Variants in ROBO1 observed in about 807,000 individuals in gnomAD.
ROBO1 encodes roundabout homolog 1.
In ROBO1, 149 loss-of-function variants were observed where a neutral mutation model predicts 195.9. That is an observed-to-expected ratio of 0.76 (90% CI 0.67 to 0.87). ROBO1 has a LOEUF of 0.87. Among genes scored for constraint, ROBO1 ranks in the 40% least tolerant of loss-of-function variants. The pLI, the probability that ROBO1 is intolerant of heterozygous loss-of-function variation, is 0.00. For missense variants in ROBO1, 1,933 were observed against 2,068.3 expected (o/e 0.93, Z 1.27); for synonymous variants, 816 against 733.2 (o/e 1.11, Z -1.82).
chr3:78,903,087 C>CAGA (rs1331708722), intron 4 of ROBO1, among the ~76,000 whole-genome samples: 1 of 152,080 alleles, frequency 6.6e-6, no homozygotes, highest in Non-Finnish European at 1.5e-5. Context: ...ATAGGGCAAA[C>CAGA]AGAAACACAA....
intron 3 of ROBO1, among the ~76,000 whole-genome samples, chr3:79,078,331 T>C (rs1157942279): frequency 6.6e-6 from 1 of 151,818 alleles, no homozygotes; most frequent in Non-Finnish European, 1.5e-5. Context: ...ATAGGCCTGT[T>C]CAATATATGT....
At chr3:79,032,719 A>T (rs986859553) in intron 3 of ROBO1, among the ~76,000 whole-genome samples, 7 of 152,082 alleles carry the variant, frequency 4.6e-5, no homozygotes, top group African/African-American at 1.7e-4. Flanking sequence ...CACTATAGTC[A>T]TAATAAATTA....
chr3:79,726,274 T>TA (rs1360298724), intron 1 of ROBO1, among the ~76,000 whole-genome samples: 4 of 152,154 alleles, frequency 2.6e-5, no homozygotes, highest in Non-Finnish European at 5.9e-5. Flanking sequence ...AATCCCCTGG[T>TA]TCATCTACAG....
At chr3:79,356,631 C>A (rs2035565414) in intron 2 of ROBO1, among the ~76,000 whole-genome samples, 1 of 152,150 alleles carries the variant, frequency 6.6e-6, no homozygotes, top group South Asian at 2.1e-4. Flanking sequence ...AGACAAGACT[C>A]ATAAGGTAAC....
chr3:79,404,387 C>T (rs2106804563), intron 2 of ROBO1, among the ~76,000 whole-genome samples: 1 of 152,160 alleles, frequency 6.6e-6, no homozygotes, highest in African/African-American at 2.4e-5. Flanking sequence ...TATATATTAA[C>T]ACAACTATAT....
chr3:79,412,502 T>C (rs761305515), intron 2 of ROBO1, among the ~76,000 whole-genome samples: 2 of 152,146 alleles, frequency 1.3e-5, no homozygotes, highest in Non-Finnish European at 2.9e-5. Context: ...TCACTTCATT[T>C]CAAACAGAGG....
intron 4 of ROBO1, among the ~76,000 whole-genome samples, chr3:78,775,966 C>A (rs996346745): frequency 6.6e-6 from 1 of 152,180 alleles, no homozygotes; most frequent in Non-Finnish European, 1.5e-5. Flanking sequence ...CTTACATAAG[C>A]TTTCCATGTA....
intron 3 of ROBO1, among the ~76,000 whole-genome samples, chr3:79,057,593 C>G (rs1042080697): frequency 1.3e-5 from 2 of 152,006 alleles, no homozygotes; most frequent in Admixed American, 6.6e-5. Flanking sequence ...TCCTTACAAA[C>G]CTAAAAATTT....
intron 2 of ROBO1, among the ~76,000 whole-genome samples, chr3:79,298,977 G>C (rs552970931): frequency 6.6e-6 from 1 of 152,152 alleles, no homozygotes; most frequent in African/African-American, 2.4e-5. Flanking sequence ...CATAGGATAT[G>C]AACAGTTCCT....
chr3:79,397,652 A>G (rs1262132305), intron 2 of ROBO1, among the ~76,000 whole-genome samples: 1 of 152,174 alleles, frequency 6.6e-6, no homozygotes, highest in Non-Finnish European at 1.5e-5. Flanking sequence ...AACCTATGCA[A>G]CCGATAAGCC....
chr3:79,450,898 A>C (rs938769536), intron 2 of ROBO1, among the ~76,000 whole-genome samples: 6 of 151,888 alleles, frequency 4.0e-5, no homozygotes, highest in South Asian at 4.2e-4. Context: ...TTCTGATTTT[A>C]TTTCAGACAC....
chr3:79,012,173 G>A (rs2077797011), intron 3 of ROBO1, among the ~76,000 whole-genome samples: 2 of 152,160 alleles, frequency 1.3e-5, no homozygotes, highest in African/African-American at 4.8e-5. Context: ...CTACTTAACT[G>A]AAAGACTAAC....
At chr3:79,187,733 C>A (rs2081466710) in intron 2 of ROBO1, among the ~76,000 whole-genome samples, 1 of 151,946 alleles carries the variant, frequency 6.6e-6, no homozygotes, top group Non-Finnish European at 1.5e-5. Flanking sequence ...GTTTCAGGCA[C>A]AGCTATAGTC....
chr3:79,533,234 A>G (rs1465801015), intron 2 of ROBO1: 12 of 167,192 alleles, frequency 7.2e-5, no homozygotes. Flanking sequence ...CCTGGTGAAT[A>G]CCTAAAATAT....
At chr3:78,717,107 G>T (rs902964488) in intron 7 of ROBO1, among the ~76,000 whole-genome samples, 168 bp downstream of exon 7, 1 of 152,150 alleles carries the variant, frequency 6.6e-6, no homozygotes. Flanking sequence ...AAGCCTCAGA[G>T]AAAGCAGGAT....
intron 2 of ROBO1, among the ~76,000 whole-genome samples, chr3:79,209,272 C>G (rs1330639077): frequency 6.6e-6 from 1 of 152,128 alleles, no homozygotes; most frequent in East Asian, 1.9e-4. Context: ...GTTACTTCAA[C>G]TAGAATAATG....
At chr3:79,541,641 T>C (rs971765118) in intron 2 of ROBO1, among the ~76,000 whole-genome samples, 1 of 152,030 alleles carries the variant, frequency 6.6e-6, no homozygotes, top group Non-Finnish European at 1.5e-5. Context: ...CAACTTTCTG[T>C]GGCCCTACCC....
In ROBO1 at chr3:79,355,987, T is replaced by C. The variant is rs368156381; in HGVS notation, c.89-230448A>G. Reference sequence around the variant, plus strand: ...ATTTATAACTTTTTGAGAAAAGTAGTTCATTTTTACGCTTAAAAACTCAAA... The same window carrying C: ...ATTTATAACTTTTTGAGAAAAGTAGCTCATTTTTACGCTTAAAAACTCAAA... On this transcript the variant is annotated intron_variant, in intron 2 of 30. Transcript: ENST00000464233. 4.6e-5 allele frequency among the ~76,000 whole-genome samples: 7 copies of C among 152,322 alleles called. No homozygotes were observed. In the South Asian group the frequency reaches 1.0e-3, roughly 23 times the overall value.
At chr3:79,334,311 A>AATAT (rs367879037) in intron 2 of ROBO1, among the ~76,000 whole-genome samples, 1,455 of 131,620 alleles carry the variant, frequency 0.011, 8 homozygotes, top group Admixed American at 0.014. Flanking sequence ...AAAAAAAAAA[A>AATAT]ATATATATAT....
Sources: gnomAD v4.1 joint callset for allele counts (sites outside exome capture counted in the v4.1 genomes callset) on GRCh38, gnomAD v4.1.1 for gene constraint, MANE v1.5 for transcripts, NCBI Gene and HGNC (gene_info 2026-07-23, HGNC 2026-07-21) for gene names.